SV2C: variants seen among roughly 807,000 people sequenced by gnomAD.
SV2C encodes solute carrier family 22 member B3.
In SV2C, 49 loss-of-function variants were observed where a neutral mutation model predicts 79.7. The observed-to-expected ratio is 0.61, with a 90% CI of 0.49 to 0.78. The LOEUF is 0.78. Ranked by LOEUF, SV2C falls within the 30% of genes least tolerant of loss-of-function variation. The pLI, the probability that SV2C is intolerant of heterozygous loss-of-function variation, is 0.00. For missense variants in SV2C, 833 were observed against 912.9 expected, an observed-to-expected ratio of 0.91 and a Z score of 1.13; for synonymous variants, 334 against 333.2, an observed-to-expected ratio of 1.00 and a Z score of -0.03.
the SV2C span, among the ~76,000 whole-genome samples, chr5:75,902,980 T>G: frequency 1.3e-5 from 2 of 152,166 alleles, no homozygotes; most frequent in African/African-American, 4.8e-5. Context: ...GTATATTATA[T>G]ATGTTAGAGC....
At chr5:76,052,381 T>C in the SV2C span, among the ~76,000 whole-genome samples, 1 of 152,200 alleles carries the variant, frequency 6.6e-6, no homozygotes, top group African/African-American at 2.4e-5. Flanking sequence ...GCCTTCATGA[T>C]GGGCAGGCTA....
chr5:76,346,981 C>CT (rs1749556973), intron 12 of SV2C, among the ~76,000 whole-genome samples: 1 of 152,104 alleles, frequency 6.6e-6, no homozygotes, highest in Non-Finnish European at 1.5e-5. Context: ...GAAACAGACT[C>CT]TAAGAGAGAG....
intron 2 of SV2C, among the ~76,000 whole-genome samples, chr5:76,138,857 G>A (rs1230243480): frequency 6.6e-6 from 1 of 152,188 alleles, no homozygotes; most frequent in African/African-American, 2.4e-5. Context: ...AGCGGCTCAC[G>A]CCTGTAATCC....
chr5:76,285,735 TA>T, intron 5 of SV2C, 45 bp from the exon 6 acceptor site: 1 of 1,528,318 alleles, frequency 6.5e-7, no homozygotes, highest in Admixed American at 1.8e-5. Flanking sequence ...TCAGGGAGGG[TA>T]AGTGTGTCAC....
intron 4 of SV2C, among the ~76,000 whole-genome samples, chr5:76,257,221 G>A (rs1433225245): frequency 6.6e-6 from 1 of 151,770 alleles, no homozygotes; most frequent in Non-Finnish European, 1.5e-5. Flanking sequence ...TTGTCACTGG[G>A]GCTAAATAGT....
At chr5:75,881,339 C>T in the SV2C span, among the ~76,000 whole-genome samples, 4 of 152,088 alleles carry the variant, frequency 2.6e-5, no homozygotes, top group East Asian at 5.8e-4. Flanking sequence ...AGTTTAAATA[C>T]GTTAACATAT....
the SV2C span, among the ~76,000 whole-genome samples, chr5:75,861,610 G>A: frequency 6.7e-6 from 1 of 149,382 alleles, no homozygotes; most frequent in African/African-American, 2.6e-5. Flanking sequence ...AAAAAAACAT[G>A]GTACATACAC....
intron 6 of SV2C, among the ~76,000 whole-genome samples, chr5:76,286,345 T>C (rs1041415791): frequency 5.3e-5 from 8 of 152,044 alleles, no homozygotes; most frequent in African/African-American, 1.9e-4. Flanking sequence ...TTTCCTCCAC[T>C]CGGCCAGGTC....
chr5:76,215,968 C>A (rs1744899396), intron 4 of SV2C, among the ~76,000 whole-genome samples: 1 of 150,518 alleles, frequency 6.6e-6, no homozygotes, highest in South Asian at 2.1e-4. Flanking sequence ...GAATTCTGGC[C>A]CCTGACAAGC....
chr5:76,235,622 T>G (rs1433765997), intron 4 of SV2C, among the ~76,000 whole-genome samples: 1 of 152,216 alleles, frequency 6.6e-6, no homozygotes, highest in Non-Finnish European at 1.5e-5. Context: ...GTATTGTGAA[T>G]GCTTATATGG....
chr5:76,234,458 G>A (rs1745547681), intron 4 of SV2C, among the ~76,000 whole-genome samples: 1 of 152,068 alleles, frequency 6.6e-6, no homozygotes, highest in South Asian at 2.1e-4. Context: ...TTTCTTAGAG[G>A]AAAGTTTTCC....
At chr5:76,230,180 T>C (rs1164003836) in intron 4 of SV2C, among the ~76,000 whole-genome samples, 1 of 152,236 alleles carries the variant, frequency 6.6e-6, no homozygotes, top group East Asian at 1.9e-4. Context: ...GTGTTGTCAT[T>C]ATGTAAATGA....
chr5:76,070,306 C>A, the SV2C span, among the ~76,000 whole-genome samples: 1 of 152,150 alleles, frequency 6.6e-6, no homozygotes, highest in African/African-American at 2.4e-5. Flanking sequence ...CATGTGTTTC[C>A]AGGTAACAGG....
rs971405129 is a variant in SV2C at position 76,301,004 on chromosome 5, C to T, written c.1840+72C>T. On this transcript the variant is annotated intron_variant, in intron 11 of 12. Coordinates refer to ENST00000502798, the MANE Select transcript of SV2C (RefSeq NM_014979.4). ...CAGAGGGACCCTGTTTCCCCCTGTACTCCCATCTATTAGGGATTTGCATCC... is the reference window on the plus strand; with the variant it reads ...CAGAGGGACCCTGTTTCCCCCTGTATTCCCATCTATTAGGGATTTGCATCC... 9 of 1,509,548 alleles carry T rather than the reference C, an allele frequency of 6.0e-6. No homozygotes were observed. The African/African-American group carries it at 1.2e-4, about 21-fold the overall frequency. The allele number at this position is 1,509,548 out of a possible 1,614,324, so 93.5% of individuals were successfully genotyped here. A position where few individuals can be genotyped will look rare whatever the true frequency, so the allele number is the denominator to read the frequency against.
chr5:76,082,640 C>T (rs899719508), upstream of SV2C, among the ~76,000 whole-genome samples: 2 of 150,400 alleles, frequency 1.3e-5, no homozygotes, highest in African/African-American at 2.4e-5. Context: ...CTCCACCCCC[C>T]CCCCCTCATA....
chr5:75,869,083 G>T, the SV2C span, among the ~76,000 whole-genome samples: 3 of 152,056 alleles, frequency 2.0e-5, no homozygotes, highest in Admixed American at 6.6e-5. Context: ...TTAGGTACCC[G>T]CTTGGCCACA....
chr5:76,021,593 T>G, the SV2C span, among the ~76,000 whole-genome samples: 1 of 152,236 alleles, frequency 6.6e-6, no homozygotes, highest in East Asian at 1.9e-4. Context: ...GGAACTGAAC[T>G]TAATTTGAAA....
chr5:76,213,595 T>C (rs1744832790), intron 4 of SV2C, among the ~76,000 whole-genome samples: 1 of 152,204 alleles, frequency 6.6e-6, no homozygotes, highest in Admixed American at 6.5e-5. Flanking sequence ...ATTCTTATTT[T>C]TTTCAGCTTT....
chr5:76,171,088 GC>G (rs1561247324), intron 2 of SV2C: 1 of 98,818 alleles, frequency 1.0e-5, no homozygotes, highest in Admixed American at 1.4e-4. Flanking sequence ...GCCCCGCGGG[GC>G]CCGAGGGCAA....
Sources: gnomAD v4.1 joint callset for allele counts (sites outside exome capture counted in the v4.1 genomes callset) on GRCh38, gnomAD v4.1.1 for gene constraint, MANE v1.5 for transcripts, NCBI Gene and HGNC (gene_info 2026-07-23, HGNC 2026-07-21) for gene names.